Variants in DMD observed in about 807,000 individuals in gnomAD.
DMD encodes the protein mutant dystrophin.
In DMD, 63 loss-of-function variants were observed where a neutral mutation model predicts 330.1. The observed-to-expected ratio is 0.19, with a 90% confidence interval of 0.16 to 0.24. The LOEUF (loss-of-function observed/expected upper bound fraction) is 0.24, where lower values mean the gene tolerates loss of function less well. Among genes scored for constraint, DMD ranks in the 10% least tolerant of loss-of-function variants. The pLI is 1.00. For missense variants in DMD, 3,344 were observed against 2,684.1 expected (o/e 1.25, Z -5.43); for synonymous variants, 1,223 against 959.8 (o/e 1.27, Z -5.07).
intron 60 of DMD, among the ~76,000 whole-genome samples, chrX:31,365,986 C>T (rs1248588187): frequency 8.9e-6 from 1 of 112,439 alleles, no homozygotes; most frequent in Non-Finnish European, 1.9e-5. Context: ...CCCAGTTGCA[C>T]AGGATGTTGC....
At chrX:31,565,520 T>C in intron 55 of DMD, among the ~76,000 whole-genome samples, 1 of 112,194 alleles carries the variant, frequency 8.9e-6, no homozygotes, top group African/African-American at 3.2e-5. Flanking sequence ...TGTATGGATG[T>C]ACCGTAGTTT....
Position 31,161,508 on chromosome X carries a change from G to C in DMD, c.10553+7935C>G, listed in dbSNP as rs760021718. Among the ~76,000 whole-genome samples the C allele has an allele frequency of 5.4e-4, 60 of 111,582 alleles. 2 individuals are homozygous for C. Among genetic ancestry groups the C allele is most frequent in the Admixed American group, 4.7e-3 (49 of 10,517 alleles). ...TGCACTAACCCTTTGCAAATCAGGA[G>C]TTTTTCCTGGGTGCACTAGGTTGCT... On this transcript the variant is annotated intron_variant, in intron 74 of 78. Transcript: ENST00000357033.
intron 55 of DMD, among the ~76,000 whole-genome samples, chrX:31,562,240 C>A (rs1330778479): frequency 6.3e-5 from 7 of 111,894 alleles, no homozygotes; most frequent in Admixed American, 3.8e-4. Flanking sequence ...TTGATTTCTA[C>A]TTTTTGACCA....
At chrX:32,821,429 A>C (rs2078233666) in intron 5 of DMD, among the ~76,000 whole-genome samples, 2 of 87,833 alleles carry the variant, frequency 2.3e-5, no homozygotes, top group South Asian at 9.7e-4. Flanking sequence ...CTAAAAATAC[A>C]AAAAAAAATT....
intron 1 of DMD, among the ~76,000 whole-genome samples, chrX:33,270,764 C>CA (rs2053140176): frequency 1.8e-5 from 2 of 111,863 alleles, no homozygotes; most frequent in Admixed American, 1.9e-4. Context: ...AGTATATAAA[C>CA]AAAAACAATT....
chrX:32,542,901 A>T lies in DMD; in HGVS notation c.2168+2258T>A, dbSNP rs1317413541. On this transcript the variant is annotated intron_variant, in intron 17 of 78. Coordinates refer to ENST00000357033, the MANE Select transcript of DMD (RefSeq NM_004006.3). ...GTGAAAGTTGATGCTATATATAATT[A>T]TGCTGGGACAACAGGTGTAACTGGG... Among the ~76,000 whole-genome samples the T allele has an allele frequency of 3.3e-4, 37 of 111,884 alleles. No individual in the cohort carries two copies. In the Admixed American group the frequency reaches 3.4e-3, roughly 10 times the overall value.
intron 52 of DMD, among the ~76,000 whole-genome samples, chrX:31,692,236 A>G (rs1169379503): frequency 9.0e-6 from 1 of 111,725 alleles, no homozygotes. Flanking sequence ...TGAAAACACA[A>G]CATAGAAAAA....
intron 29 of DMD, among the ~76,000 whole-genome samples, chrX:32,413,002 G>C (rs1444894663): frequency 9.0e-6 from 1 of 111,034 alleles, no homozygotes; most frequent in African/African-American, 3.3e-5. Context: ...AAAAGAACAG[G>C]AAGTTTAGTG....
chrX:32,392,554 C>T (rs1603632395), intron 30 of DMD, among the ~76,000 whole-genome samples: 1 of 111,620 alleles, frequency 9.0e-6, no homozygotes, highest in South Asian at 3.8e-4. Context: ...GCCACCGTGC[C>T]CAGCCCGTAG....
intron 54 of DMD, among the ~76,000 whole-genome samples, chrX:31,632,270 C>A (rs1011243509): frequency 9.0e-6 from 1 of 111,358 alleles, no homozygotes; most frequent in African/African-American, 3.3e-5. Context: ...GCCTAAAGAG[C>A]TTAATTATTG....
chrX:33,253,874 G>A (rs929457801), intron 1 of DMD, among the ~76,000 whole-genome samples: 37 of 110,694 alleles, frequency 3.3e-4, no homozygotes, highest in African/African-American at 1.2e-3. Flanking sequence ...ATTTATTCAT[G>A]TATAAAACTG....
chrX:31,450,125 G>A (rs577838455), intron 59 of DMD, among the ~76,000 whole-genome samples: 32 of 111,195 alleles, frequency 2.9e-4, no homozygotes, highest in Middle Eastern at 4.6e-3. Flanking sequence ...CCTAAAAAGA[G>A]GAGGTGCTAG....
intron 60 of DMD, among the ~76,000 whole-genome samples, chrX:31,421,080 A>T (rs754093387): frequency 3.2e-4 from 36 of 112,356 alleles, no homozygotes; most frequent in African/African-American, 1.1e-3. Flanking sequence ...TAATGTTGTG[A>T]AATAGGTGAG....
At position 31,496,910 on chromosome X, in the gene DMD, G is replaced by A. The variant is rs143389016; in HGVS notation, c.8425C>T (p.Arg2809Cys). The A allele has an allele frequency of 1.1e-5, 13 of 1,208,784 alleles. No homozygotes were observed. The African/African-American group carries it at 1.9e-4, about 18-fold the overall frequency. Residue 2809 changes from arginine (R) to cysteine (C), a missense_variant, in exon 57 of 79, where the codon CGT (arginine) becomes TGT (cysteine). Coordinates refer to ENST00000357033, the MANE Select transcript of DMD (RefSeq NM_004006.3). The stretch of plus-strand genomic sequence containing the variant: ...AGTTCCTGCAGAGAAAGGTGCAGAC[G>A]CTTCCACTGGTCAGAACTGGCTTCC... ...HLEASSDQWK[R>C]LHLSLQELLV...
At chrX:32,420,877 T>C (rs1436653248) in intron 29 of DMD, among the ~76,000 whole-genome samples, 1 of 111,654 alleles carries the variant, frequency 9.0e-6, no homozygotes, top group Non-Finnish European at 1.9e-5. Flanking sequence ...GCTTTTCTGA[T>C]GTGCATTAGA....
chrX:31,138,264 C>T (rs2035515134), intron 76 of DMD, among the ~76,000 whole-genome samples: 1 of 111,500 alleles, frequency 9.0e-6, no homozygotes, highest in African/African-American at 3.3e-5. Context: ...AGCTGATTGC[C>T]AGCAAAAGTT....
In DMD at chrX:32,846,998, T is replaced by C. The variant is rs775847753; in HGVS notation, c.187-2138A>G. Among the ~76,000 whole-genome samples, 4 of 109,715 alleles carry C rather than the reference T, an allele frequency of 3.6e-5. No homozygotes were observed. The East Asian group carries it at 1.1e-3, about 31-fold the overall frequency. ...TCCAGCCTGGGCGACAGAGTAAGATTCCATCAAAATAAAAAAAAAATACAT... is the reference window on the plus strand; with the variant it reads ...TCCAGCCTGGGCGACAGAGTAAGATCCCATCAAAATAAAAAAAAAATACAT... On this transcript the variant is annotated intron_variant, in intron 3 of 78. Transcript: ENST00000357033.
rs1025087830 is a variant in DMD, at chrX:33,078,066, G to A, written c.32-57866C>T. On this transcript the variant is annotated intron_variant, in intron 1 of 78. Transcript: ENST00000357033. ...TCTCAGATAAGACTTTTTGAAAGCCGAGCCCAGCCATGGGTTTGTACCCTC... is the reference window on the plus strand; with the variant it reads ...TCTCAGATAAGACTTTTTGAAAGCCAAGCCCAGCCATGGGTTTGTACCCTC... Among the ~76,000 whole-genome samples, 4 of 111,650 alleles carry A rather than the reference G, an allele frequency of 3.6e-5. No homozygotes were observed. The East Asian group carries it at 8.5e-4, about 24-fold the overall frequency.
At chrX:32,861,360 G>A (rs900210724) in intron 2 of DMD, among the ~76,000 whole-genome samples, 1 of 111,372 alleles carries the variant, frequency 9.0e-6, no homozygotes. Flanking sequence ...GTCTGGTATG[G>A]TACCTAGCAT....
Sources: gnomAD v4.1 joint callset for allele counts (sites outside exome capture counted in the v4.1 genomes callset) on GRCh38, gnomAD v4.1.1 for gene constraint, MANE v1.5 for transcripts, NCBI Gene and HGNC (gene_info 2026-07-23, HGNC 2026-07-21) for gene names.